Variants in TMSB15B observed in about 807,000 individuals in gnomAD.
TMSB15B encodes thymosin beta-15B.
intron 1 of TMSB15B, among the ~76,000 whole-genome samples, chrX:103,933,313 A>G (rs1338575151): frequency 9.0e-6 from 1 of 111,018 alleles, no homozygotes; most frequent in Non-Finnish European, 1.9e-5. Flanking sequence ...TCTTCCCTCA[A>G]ATCTTTTAAT....
intron 1 of TMSB15B, among the ~76,000 whole-genome samples, chrX:103,937,634 A>AT (rs1245947273): frequency 1.8e-5 from 2 of 111,044 alleles, no homozygotes; most frequent in African/African-American, 6.6e-5. Flanking sequence ...GGATTCATTG[A>AT]TTTTTTGAAG....
At chrX:103,948,402 A>C (rs2075031020) in intron 1 of TMSB15B, among the ~76,000 whole-genome samples, 1 of 112,116 alleles carries the variant, frequency 8.9e-6, no homozygotes, top group Non-Finnish European at 1.9e-5. Context: ...AGTCAGGTTG[A>C]AGATGCATGT....
intron 1 of TMSB15B, among the ~76,000 whole-genome samples, chrX:103,940,509 C>A (rs1168428042): frequency 9.0e-6 from 1 of 111,328 alleles, no homozygotes; most frequent in Non-Finnish European, 1.9e-5. Flanking sequence ...CCCTCTCCCC[C>A]CACCAAGATC....
At chrX:103,954,751 C>T (rs1257569834) in intron 1 of TMSB15B, among the ~76,000 whole-genome samples, 6 of 110,809 alleles carry the variant, frequency 5.4e-5, no homozygotes, top group Non-Finnish European at 7.6e-5. Flanking sequence ...AGATCTGAGC[C>T]AGCCAGAACT....
chrX:103,928,021 G>C, intron 1 of TMSB15B: 2 of 581,166 alleles, frequency 3.4e-6, no homozygotes, highest in South Asian at 4.5e-5. Context: ...GCTTGCCAAC[G>C]GAATTAATTG....
chrX:103,954,008 G>A (rs1339296551), intron 1 of TMSB15B, among the ~76,000 whole-genome samples: 5 of 111,674 alleles, frequency 4.5e-5, no homozygotes, highest in Non-Finnish European at 7.5e-5. Flanking sequence ...GGAAACCCCT[G>A]GATTGGGCTT....
chrX:103,926,746 G>C (rs2074969309), intron 1 of TMSB15B, among the ~76,000 whole-genome samples: 1 of 110,424 alleles, frequency 9.1e-6, no homozygotes, highest in South Asian at 4.0e-4. Flanking sequence ...AGCTTAATTA[G>C]AGTCCCAACC....
chrX:103,921,503 A>T (rs1191148802), intron 1 of TMSB15B, among the ~76,000 whole-genome samples: 5 of 111,838 alleles, frequency 4.5e-5, no homozygotes, highest in African/African-American at 1.6e-4. Context: ...GATTGTGTAA[A>T]GGTGCCAGAG....
At chrX:103,928,711 C>T in intron 1 of TMSB15B, 1 of 1,156,813 alleles carries the variant, frequency 8.6e-7, no homozygotes, top group Non-Finnish European at 1.2e-6. Flanking sequence ...CCTGGCAGAG[C>T]AAGGCCTGGC....
At chrX:103,929,127 T>C in intron 1 of TMSB15B, 5 of 538,274 alleles carry the variant, frequency 9.3e-6, no homozygotes, top group Non-Finnish European at 1.4e-5. Context: ...TCTTTTAGCA[T>C]CTGTAAACTC....
rs1371087312 is a variant in TMSB15B at position 103,929,152 on chromosome X, G to A, written c.-721+9860G>A. 2.9e-5 allele frequency: 13 copies of A among 441,605 alleles called. 1 individual carries two copies. The highest frequency in any genetic ancestry group is 4.4e-5 in the Non-Finnish European group (12 of 271,131). 36.4% of individuals were successfully genotyped at this position (441,605 alleles called of 1,213,427 possible). A position where few individuals can be genotyped will look rare whatever the true frequency, so the allele number is the denominator to read the frequency against. Reference sequence around the variant, plus strand: ...TCTGTAAACTCATTGCATGGGAGAAGTTCCCAACTACCAACCTGTTGAGCA... The same window carrying A: ...TCTGTAAACTCATTGCATGGGAGAAATTCCCAACTACCAACCTGTTGAGCA... On this transcript the variant is annotated intron_variant, in intron 1 of 3. Transcript: ENST00000419165.
chrX:103,928,703 T>C (rs2074976309), intron 1 of TMSB15B: 24 of 1,157,666 alleles, frequency 2.1e-5, no homozygotes, highest in Non-Finnish European at 2.8e-5. Context: ...CAGGATGGCC[T>C]GGCAGAGCAA....
chrX:103,929,625 T>C (rs1302975634), intron 1 of TMSB15B, among the ~76,000 whole-genome samples: 1 of 111,496 alleles, frequency 9.0e-6, no homozygotes, highest in Non-Finnish European at 1.9e-5. Context: ...GGGCTGGAGA[T>C]GGGAATGGGA....
chrX:103,936,449 G>T (rs1424887931), intron 1 of TMSB15B, among the ~76,000 whole-genome samples: 1 of 111,754 alleles, frequency 8.9e-6, no homozygotes, highest in Non-Finnish European at 1.9e-5. Context: ...TTGGCTCTCT[G>T]TCTATTATTT....
chrX:103,930,723 TTGA>T (rs200465669), intron 1 of TMSB15B, among the ~76,000 whole-genome samples: 13 of 74,576 alleles, frequency 1.7e-4, no homozygotes, highest in African/African-American at 5.3e-4. Context: ...AATGATGCTG[TTGA>T]TAATAATAAT....
intron 1 of TMSB15B, among the ~76,000 whole-genome samples, chrX:103,940,603 GC>G (rs1251212543): frequency 3.6e-5 from 4 of 111,138 alleles, no homozygotes; most frequent in African/African-American, 1.3e-4. Context: ...GCTCCATGAG[GC>G]TGGGATCCGC....
In TMSB15B at chrX:103,929,833, T is replaced by C. The variant is rs1427724442; in HGVS notation, c.-721+10541T>C. ...TGAAGTGACCATATCTCTTCACAGA[T>C]AATTGCATATTTTTAAAAATTATTT... On this transcript the variant is annotated intron_variant, in intron 1 of 3. Coordinates refer to the TMSB15B transcript ENST00000419165. Among the ~76,000 whole-genome samples the C allele has an allele frequency of 2.7e-5, 3 of 111,325 alleles. No individual in the cohort carries two copies. The Admixed American group carries it at 2.9e-4, about 11-fold the overall frequency.
intron 1 of TMSB15B, chrX:103,928,519 C>T (rs2074975510): frequency 5.9e-6 from 7 of 1,195,629 alleles, no homozygotes; most frequent in Non-Finnish European, 7.9e-6. Flanking sequence ...GCAAAATGTG[C>T]TCCAGGATGG....
intron 1 of TMSB15B, chrX:103,932,300 ATC>A (rs1304384424): frequency 1.8e-5 from 2 of 111,502 alleles, no homozygotes; most frequent in African/African-American, 6.5e-5. Context: ...ATATGACGCT[ATC>A]TCCAGGTAGA....
Sources: allele counts gnomAD v4.1 joint callset (sites outside exome capture counted in the v4.1 genomes callset), GRCh38; gene constraint gnomAD v4.1.1; transcripts MANE v1.5; gene names NCBI Gene and HGNC (gene_info 2026-07-23, HGNC 2026-07-21).